PGBD5: variants seen among roughly 807,000 people sequenced by gnomAD.
PGBD5 encodes the protein piggyBac transposable element derived 5.
Under a neutral mutation model 47.9 loss-of-function variants are expected in PGBD5, and 14 were observed. The observed-to-expected ratio is 0.29, with a 90% CI of 0.19 to 0.46. The LOEUF (loss-of-function observed/expected upper bound fraction) is 0.46. Among genes scored for constraint, PGBD5 ranks in the 20% least tolerant of loss-of-function variants. PGBD5 has a pLI of 1.00. For synonymous variants in PGBD5, 316 were observed against 306.3 expected (o/e 1.03, Z -0.33); for missense variants, 635 against 716.0 (o/e 0.89, Z 1.29).
chr1:230,365,019 C>CAAA (rs879775744), intron 1 of PGBD5, among the ~76,000 whole-genome samples: 5 of 100,218 alleles, frequency 5.0e-5, no homozygotes, highest in Non-Finnish European at 4.0e-5. Flanking sequence ...GACTCCATCT[C>CAAA]AAAAAAAAAA....
At chr1:230,327,747 C>T (rs573246740) in intron 5 of PGBD5, among the ~76,000 whole-genome samples, 1 of 152,356 alleles carries the variant, frequency 6.6e-6, no homozygotes, top group South Asian at 2.1e-4. Flanking sequence ...TGCGGGCCTG[C>T]AGTGCCCAAG....
intron 1 of PGBD5, among the ~76,000 whole-genome samples, chr1:230,369,098 G>A (rs987097919): frequency 3.3e-5 from 5 of 152,260 alleles, no homozygotes; most frequent in African/African-American, 1.2e-4. Flanking sequence ...AGAGTCTCGG[G>A]TGAAGCCAGA....
intron 1 of PGBD5, among the ~76,000 whole-genome samples, chr1:230,402,565 T>G (rs1657164155): frequency 6.6e-6 from 1 of 152,222 alleles, no homozygotes; most frequent in Admixed American, 6.5e-5. Context: ...GCAATCCTGC[T>G]GCCTTAGCCT....
chr1:230,397,475 AC>A (rs1446647302), intron 1 of PGBD5, among the ~76,000 whole-genome samples: 1 of 152,252 alleles, frequency 6.6e-6, no homozygotes, highest in Non-Finnish European at 1.5e-5. Flanking sequence ...AGTTTTTGAC[AC>A]ATAAAGTGAC....
At chr1:230,424,018 CA>C (rs1657716879) in intron 1 of PGBD5, among the ~76,000 whole-genome samples, 2 of 152,324 alleles carry the variant, frequency 1.3e-5, no homozygotes, top group Admixed American at 1.3e-4. Context: ...CTCACATCAG[CA>C]CATTCAGGAT....
chr1:230,408,182 T>C (rs983060969), intron 1 of PGBD5, among the ~76,000 whole-genome samples: 2 of 152,232 alleles, frequency 1.3e-5, no homozygotes, highest in Non-Finnish European at 2.9e-5. Context: ...ATTATATCTA[T>C]ACTACATTGT....
intron 3 of PGBD5, among the ~76,000 whole-genome samples, chr1:230,338,862 G>A (rs1667368149): frequency 6.6e-6 from 1 of 152,148 alleles, no homozygotes. Flanking sequence ...GCCTCTTCTT[G>A]AAGCTGCGTC....
At chr1:230,390,886 C>A (rs189617168) in intron 1 of PGBD5, among the ~76,000 whole-genome samples, 3 of 152,056 alleles carry the variant, frequency 2.0e-5, no homozygotes, top group African/African-American at 7.2e-5. Flanking sequence ...ATTACAGGAA[C>A]GCACCACCAC....
intron 1 of PGBD5, among the ~76,000 whole-genome samples, chr1:230,423,397 G>GCTTGTCGTAGCGTTTT (rs1403754509): frequency 1.3e-5 from 2 of 152,136 alleles, no homozygotes; most frequent in African/African-American, 4.8e-5. Context: ...GGGAGCGCAC[G>GCTTGTCGTAGCGTTTT]CTTGTCGTAG....
intron 1 of PGBD5, among the ~76,000 whole-genome samples, chr1:230,396,314 A>AC (rs200621217): frequency 6.7e-4 from 59 of 87,866 alleles, no homozygotes; most frequent in Admixed American, 1.8e-3. Flanking sequence ...CCTCCCTTTT[A>AC]CCCCACACTC....
intron 1 of PGBD5, among the ~76,000 whole-genome samples, chr1:230,363,090 T>C (rs1667773451): frequency 6.6e-6 from 1 of 152,188 alleles, no homozygotes; most frequent in African/African-American, 2.4e-5. Context: ...AGTTTCTTTA[T>C]TGATCAAGTG....
intron 1 of PGBD5, among the ~76,000 whole-genome samples, chr1:230,395,656 C>T (rs1656928411): frequency 6.9e-5 from 1 of 14,420 alleles, no homozygotes; most frequent in Non-Finnish European, 1.5e-4. Flanking sequence ...CCCTCCTCCC[C>T]CTTCTCTCCT....
chr1:230,416,953 A>C (rs1427810069), intron 1 of PGBD5, among the ~76,000 whole-genome samples: 1 of 152,236 alleles, frequency 6.6e-6, no homozygotes, highest in Non-Finnish European at 1.5e-5. Flanking sequence ...CCAAGGGGTG[A>C]TGCTGTCTTG....
Position 230,412,387 on chromosome 1 carries a change from CTTTTTTTTTTT to C in PGBD5, c.331+13200_331+13210del, listed in dbSNP as rs34303231. On this transcript the variant is annotated intron_variant, in intron 1 of 6. Coordinates refer to ENST00000391860, the MANE Select transcript of PGBD5 (RefSeq NM_001258311.2). The stretch of plus-strand genomic sequence containing the variant: ...AAGGGGAAATGGATCATCCTAAAGT[CTTTTTTTTTTT>C]TTTTTTTTGAGACAGAGTCTCGCTC... Among the ~76,000 whole-genome samples, 15 of 127,648 alleles carry C rather than the reference CTTTTTTTTTTT, an allele frequency of 1.2e-4. No homozygotes were observed. In the East Asian group the frequency reaches 2.9e-3, roughly 25 times the overall value. The allele number at this position is 127,648 out of a possible 152,430, so 83.7% of individuals were successfully genotyped here.
rs1217729403 is a variant in PGBD5, at chr1:230,386,620, AC to A, written c.332-29300del. On this transcript the variant is annotated intron_variant, in intron 1 of 6. Coordinates refer to ENST00000391860, the MANE Select transcript of PGBD5 (RefSeq NM_001258311.2). ...AATGGTACTTCATCGCCATTGGCTA[AC>A]TTACCTGAATATTAGTGTGGTTAAT... Among the ~76,000 whole-genome samples the A allele has an allele frequency of 5.3e-5, 8 of 152,242 alleles. 1 individual carries two copies. In the South Asian group the frequency reaches 1.4e-3, roughly 28 times the overall value.
intron 2 of PGBD5, among the ~76,000 whole-genome samples, chr1:230,353,089 A>G (rs1558197094): frequency 6.6e-6 from 1 of 152,192 alleles, no homozygotes; most frequent in Non-Finnish European, 1.5e-5. Flanking sequence ...TTCCTTTTCT[A>G]TCATCATTAA....
At position 230,350,140 on chromosome 1, in the gene PGBD5, G is replaced by A. The variant is rs139972267; in HGVS notation, c.894+818C>T. Among the ~76,000 whole-genome samples, 293 of 152,368 alleles carry A rather than the reference G, an allele frequency of 1.9e-3. 1 individual carries two copies. The highest frequency in any genetic ancestry group is 6.8e-3 in the African/African-American group (283 of 41,592). ...ATGCGGTCAAGCGAGGGCAGCAAGT[G>A]AGCGTGCGGTCAGCAGTCACCACAG... On this transcript the variant is annotated intron_variant, in intron 3 of 6. Transcript: ENST00000391860.
intron 1 of PGBD5, among the ~76,000 whole-genome samples, chr1:230,364,618 G>A (rs970448199): frequency 1.4e-5 from 2 of 147,562 alleles, no homozygotes; most frequent in African/African-American, 5.0e-5. Flanking sequence ...ACAGTGGTTG[G>A]CAAAGAAGTT....
chr1:230,360,716 CTT>C (rs1305026467), intron 1 of PGBD5, among the ~76,000 whole-genome samples: 3 of 152,184 alleles, frequency 2.0e-5, no homozygotes, highest in South Asian at 2.1e-4. Context: ...AATGAAACCT[CTT>C]TTCTTTATAG....
Sources: allele counts gnomAD v4.1 joint callset (sites outside exome capture counted in the v4.1 genomes callset), GRCh38; gene constraint gnomAD v4.1.1; transcripts MANE v1.5; gene names NCBI Gene and HGNC (gene_info 2026-07-23, HGNC 2026-07-21).